Variants in DCHS2 observed in about 807,000 individuals in gnomAD.
DCHS2 encodes the protein protocadherin-23.
In DCHS2, 142 loss-of-function variants were observed where a neutral mutation model predicts 182.4. That is an observed-to-expected ratio of 0.78 (90% CI 0.68 to 0.89). DCHS2 has a LOEUF of 0.89. DCHS2 is among the 40% of genes least tolerant of loss of function. DCHS2 has a pLI of 0.00. For missense variants in DCHS2, 4,319 were observed against 4,198.6 expected, an observed-to-expected ratio of 1.03 and a Z score of -0.79; for synonymous variants, 1,740 against 1,663.3, an observed-to-expected ratio of 1.05 and a Z score of -1.12.
At chr4:154,371,779 G>T (rs1348716261) in intron 2 of DCHS2, among the ~76,000 whole-genome samples, 1 of 151,990 alleles carries the variant, frequency 6.6e-6, no homozygotes, top group African/African-American at 2.4e-5. Context: ...GGAGGCAGAG[G>T]GGTGTTGCTA....
chr4:154,287,940 G>A lies in DCHS2; in HGVS notation c.6463+9911C>T, dbSNP rs540234949. On this transcript the variant is annotated intron_variant, in intron 13 of 19. Coordinates refer to ENST00000357232, the MANE Select transcript of DCHS2 (RefSeq NM_001358235.2). ...AAAAATATACAATGAAAACAAAAAC[G>A]CTAGAAATTAAAATACACAACCAGA... 5.3e-5 allele frequency among the ~76,000 whole-genome samples: 8 copies of A among 152,186 alleles called. 1 individual carries two copies. In the South Asian group the frequency reaches 1.2e-3, roughly 24 times the overall value.
chr4:154,400,157 G>T (rs1322721815), intron 1 of DCHS2, among the ~76,000 whole-genome samples: 1 of 151,614 alleles, frequency 6.6e-6, no homozygotes, highest in Non-Finnish European at 1.5e-5. Context: ...CAAAAAATTA[G>T]CCGGGCGTGG....
chr4:154,437,337 C>G (rs577900744), intron 1 of DCHS2, among the ~76,000 whole-genome samples: 1 of 152,136 alleles, frequency 6.6e-6, no homozygotes, highest in South Asian at 2.1e-4. Flanking sequence ...CTACCACTAA[C>G]CACTCTCATG....
chr4:154,336,723 T>C (rs1045962418), intron 3 of DCHS2, among the ~76,000 whole-genome samples: 3 of 152,152 alleles, frequency 2.0e-5, no homozygotes, highest in African/African-American at 7.2e-5. Flanking sequence ...CTCATTTTCC[T>C]TTTTTCCCCA....
At chr4:154,390,911 A>T (rs1731670319) in intron 1 of DCHS2, among the ~76,000 whole-genome samples, 1 of 152,210 alleles carries the variant, frequency 6.6e-6, no homozygotes, top group African/African-American at 2.4e-5. Context: ...ATGATTAGAA[A>T]ATTTTATTTA....
chr4:154,474,808 A>G (rs1246196957), intron 1 of DCHS2, among the ~76,000 whole-genome samples: 1 of 152,236 alleles, frequency 6.6e-6, no homozygotes, highest in Non-Finnish European at 1.5e-5. Context: ...TGAAAATGAA[A>G]CAAGTTAATT....
chr4:154,294,937 T>G (rs981221809), intron 13 of DCHS2, among the ~76,000 whole-genome samples: 38 of 152,260 alleles, frequency 2.5e-4, no homozygotes, highest in Admixed American at 1.8e-3. Context: ...AGCAACTTTC[T>G]GTTTACAACT....
At chr4:154,323,137 G>C in intron 7 of DCHS2, 1 of 1,453,320 alleles carries the variant, frequency 6.9e-7, no homozygotes, top group Non-Finnish European at 9.2e-7. Flanking sequence ...CATTTTCCAT[G>C]ATCTAGATTT....
chr4:154,406,491 G>T (rs184478570), intron 1 of DCHS2, among the ~76,000 whole-genome samples: 55 of 152,298 alleles, frequency 3.6e-4, no homozygotes, highest in African/African-American at 1.2e-3. Flanking sequence ...TGATTTTATA[G>T]TTGTTTATGG....
intron 10 of DCHS2, among the ~76,000 whole-genome samples, chr4:154,308,014 T>C (rs1735517749): frequency 6.6e-6 from 1 of 152,112 alleles, no homozygotes; most frequent in Non-Finnish European, 1.5e-5. Flanking sequence ...TCTCCTAAAA[T>C]TTTTTTCCTT....
chr4:154,465,931 G>T (rs1409175366), intron 1 of DCHS2, among the ~76,000 whole-genome samples: 4 of 152,102 alleles, frequency 2.6e-5, no homozygotes, highest in Non-Finnish European at 5.9e-5. Flanking sequence ...AGAAACAACA[G>T]ATCCATAAAG....
At chr4:154,329,856 G>A in intron 5 of DCHS2, 146 bp from the exon 6 acceptor site, 2 of 564,938 alleles carry the variant, frequency 3.5e-6, no homozygotes, top group Non-Finnish European at 5.5e-6. Flanking sequence ...TGGCTCTATG[G>A]TACTGTTGAA....
At chr4:154,448,964 C>A (rs1267467376) in intron 1 of DCHS2, among the ~76,000 whole-genome samples, 1 of 152,126 alleles carries the variant, frequency 6.6e-6, no homozygotes, top group Non-Finnish European at 1.5e-5. Flanking sequence ...ATGGTTAATG[C>A]GTGCCTCCTC....
chr4:154,448,872 C>T (rs35283999), intron 1 of DCHS2, among the ~76,000 whole-genome samples: 46,293 of 152,154 alleles, frequency 0.3, 8,106 homozygotes, highest in South Asian at 0.46. Flanking sequence ...CTCCATCCCC[C>T]AATATAGGCT....
At position 154,315,870 on chromosome 4, in the gene DCHS2, G is replaced by GT; in HGVS notation, c.5137dup (p.Thr1713AsnfsTer4). 6.2e-7 allele frequency: 1 copy of GT among 1,613,994 alleles called. No homozygotes were observed. Among genetic ancestry groups the GT allele is most frequent in the Non-Finnish European group, 8.5e-7 (1 of 1,179,966 alleles). ...AGCTTCATCATTTACATCAAGAACA[G>GT]TAACTGTCAAAGTCTGGGATGAAGA... On this transcript the variant is annotated frameshift_variant, in exon 10 of 20. Transcript: ENST00000357232. LOFTEE classifies it high-confidence loss of function.
intron 1 of DCHS2, among the ~76,000 whole-genome samples, chr4:154,419,565 C>T (rs372299463): frequency 7.2e-6 from 1 of 138,934 alleles, no homozygotes; most frequent in Admixed American, 8.1e-5. Context: ...GCAGGAGAAT[C>T]GTTGAACCTG....
rs981654974 is a variant in DCHS2 at position 154,231,779 on chromosome 4, G to A, written c.*2757C>T. 2.0e-5 allele frequency: 3 copies of A among 152,098 alleles called. No homozygotes were observed. Among genetic ancestry groups the A allele is most frequent in the Non-Finnish European group, 2.9e-5 (2 of 68,006 alleles). 9.4% of individuals were successfully genotyped at this position (152,098 alleles called of 1,614,324 possible). A position where few individuals can be genotyped will look rare whatever the true frequency, so the allele number is the denominator to read the frequency against. On this transcript the variant is annotated 3_prime_UTR_variant, in exon 20 of 20. Coordinates refer to ENST00000357232, the MANE Select transcript of DCHS2 (RefSeq NM_001358235.2). ...AACACAAATCCTGTCTCAACTGGACGTCTATTATAGATTGAATATGAATAC... is the reference window on the plus strand; with the variant it reads ...AACACAAATCCTGTCTCAACTGGACATCTATTATAGATTGAATATGAATAC...
chr4:154,413,514 C>T (rs1241117475), intron 1 of DCHS2, among the ~76,000 whole-genome samples: 3 of 152,204 alleles, frequency 2.0e-5, no homozygotes, highest in Non-Finnish European at 4.4e-5. Context: ...TGGATATCTC[C>T]AGGTGGCTCC....
rs182567213 is a variant in DCHS2 at position 154,381,319 on chromosome 4, A to G, written c.2053-3875T>C. Among the ~76,000 whole-genome samples the G allele has an allele frequency of 3.8e-4, 58 of 152,206 alleles. 1 individual carries two copies. Among genetic ancestry groups the G allele is most frequent in the African/African-American group, 1.3e-3 (53 of 41,560 alleles). ...CATTATAAAAATGCAAAATATCAAT[A>G]TATTATTAAAATCCCCCTGATTCCA... On this transcript the variant is annotated intron_variant, in intron 1 of 19. Transcript: ENST00000357232.
Sources: gnomAD v4.1 joint callset for allele counts (sites outside exome capture counted in the v4.1 genomes callset) on GRCh38, gnomAD v4.1.1 for gene constraint, MANE v1.5 for transcripts, NCBI Gene and HGNC (gene_info 2026-07-23, HGNC 2026-07-21) for gene names.